The following EXTL3 variants were observed in gnomAD, a reference collection of about 807,000 sequenced individuals.
The protein encoded by EXTL3 is exostosin like glycosyltransferase 3.
EXTL3 carries 27 observed loss-of-function variants against 69.3 expected under a neutral mutation model. The observed-to-expected ratio is 0.39, with a 90% CI of 0.29 to 0.54. EXTL3 has a LOEUF of 0.54. Ranked by LOEUF, EXTL3 falls within the 20% of genes least tolerant of loss-of-function variation. EXTL3 has a pLI of 0.69. For synonymous variants in EXTL3, 511 were observed against 499.4 expected (o/e 1.02, Z -0.31); for missense variants, 1,003 against 1,231.8 (o/e 0.81, Z 2.78).
chr8:28,713,903 C>CTTTTTTTTTTTTTT (rs55737430), intron 2 of EXTL3, among the ~76,000 whole-genome samples: 14 of 113,776 alleles, frequency 1.2e-4, no homozygotes, highest in South Asian at 3.0e-4. Context: ...TTCTTTCTTT[C>CTTTTTTTTTTTTTT]TTTTTTTTTT....
rs1184932465 is a variant in EXTL3 at position 28,753,583 on chromosome 8, A to C, written c.*2717A>C. On this transcript the variant is annotated 3_prime_UTR_variant, in exon 7 of 7. Transcript: ENST00000220562. ...TCCTAGTTTGTGGGGGGAAGCTTTG[A>C]TATCCATGCCACGTCCATCCACCCC... 6.6e-6 allele frequency: 1 copy of C among 152,628 alleles called. No individual in the cohort carries two copies. The highest frequency in any genetic ancestry group is 1.5e-5 in the Non-Finnish European group (1 of 68,106). The allele number at this position is 152,628 out of a possible 1,614,324, so 9.5% of individuals were successfully genotyped here. A position where few individuals can be genotyped will look rare whatever the true frequency, so the allele number is the denominator to read the frequency against.
chr8:28,689,139 C>T (rs557699496), intron 1 of EXTL3, among the ~76,000 whole-genome samples: 28 of 152,168 alleles, frequency 1.8e-4, no homozygotes, highest in Middle Eastern at 3.2e-3. Flanking sequence ...TCTTTGCTGA[C>T]CCAGTTGTGG....
At chr8:28,681,497 G>A (rs1178537279) in intron 1 of EXTL3, among the ~76,000 whole-genome samples, 1 of 151,840 alleles carries the variant, frequency 6.6e-6, no homozygotes, top group African/African-American at 2.4e-5. Flanking sequence ...CAGCCTGGAT[G>A]ACAGAGCGAG....
At chr8:28,639,432 G>A (rs1273091216) in intron 1 of EXTL3, among the ~76,000 whole-genome samples, 2 of 152,154 alleles carry the variant, frequency 1.3e-5, no homozygotes, top group African/African-American at 4.8e-5. Flanking sequence ...CGTCACAGCT[G>A]GGACCATCTT....
chr8:28,641,402 C>T (rs1420622059), intron 1 of EXTL3, among the ~76,000 whole-genome samples: 1 of 152,064 alleles, frequency 6.6e-6, no homozygotes, highest in Non-Finnish European at 1.5e-5. Context: ...TGGAAAAGAC[C>T]GAGCAAGAGT....
intron 1 of EXTL3, among the ~76,000 whole-genome samples, chr8:28,671,125 T>C (rs1279238582): frequency 6.6e-6 from 1 of 151,540 alleles, no homozygotes; most frequent in Non-Finnish European, 1.5e-5. Flanking sequence ...GGATTACAGG[T>C]GTGTGCTACC....
intron 1 of EXTL3, among the ~76,000 whole-genome samples, chr8:28,653,625 T>C (rs754830369): frequency 3.3e-5 from 5 of 152,340 alleles, no homozygotes; most frequent in Admixed American, 6.5e-5. Flanking sequence ...AAACACTCTC[T>C]TTTTCCCATT....
rs769913271 is a variant in EXTL3, at chr8:28,716,473, C to G, written c.414C>G (p.Thr138=). 5.6e-6 allele frequency: 9 copies of G among 1,613,828 alleles called. No individual in the cohort carries two copies. The highest frequency in any genetic ancestry group is 7.6e-6 in the Non-Finnish European group (9 of 1,179,976). ...LLQLKNVISQ[T]EHSYKELMAQ... ...AGCTCAAGAATGTCATCAGCCAGACCGAGCATTCCTACAAGGAGCTCATGG... is the reference window on the plus strand; with the variant it reads ...AGCTCAAGAATGTCATCAGCCAGACGGAGCATTCCTACAAGGAGCTCATGG... Residue 138 remains threonine (T), a synonymous_variant, in exon 3 of 7, where the codon ACC becomes ACG. Transcript: ENST00000220562. This position sits in a 1 kb window ranked among gnomAD's most constrained non-coding sequence, Gnocchi z 7.1.
At position 28,717,441 on chromosome 8, in the gene EXTL3, C is replaced by T. The variant is rs554294508; in HGVS notation, c.1382C>T (p.Pro461Leu). The change falls in exon 3 of 7, where the codon CCG becomes CTG. Residue 461 changes from proline (P) to leucine (L), a missense_variant. This residue lies in a region of EXTL3 where 742 missense variants were observed against 815.4 expected (regional missense o/e 0.91). Coordinates refer to ENST00000220562, the MANE Select transcript of EXTL3 (RefSeq NM_001440.4). This position sits in a 1 kb window ranked among gnomAD's most constrained non-coding sequence, Gnocchi z 8.3. ...LFEALEVGAV[P>L]VVLGEQVQLP... ...GAAGCCCTGGAAGTCGGTGCCGTCCCGGTGGTGCTGGGGGAGCAGGTCCAG... is the reference window on the plus strand; with the variant it reads ...GAAGCCCTGGAAGTCGGTGCCGTCCTGGTGGTGCTGGGGGAGCAGGTCCAG... The T allele has an allele frequency of 6.2e-6, 10 of 1,614,176 alleles. No homozygotes were observed. In the Admixed American group the frequency reaches 8.3e-5, roughly 13 times the overall value.
intron 1 of EXTL3, among the ~76,000 whole-genome samples, chr8:28,670,039 T>TC (rs1807260726): frequency 6.6e-6 from 1 of 151,846 alleles, no homozygotes; most frequent in South Asian, 2.1e-4. Context: ...CAAAACCCCG[T>TC]CTCGACCAAA....
At chr8:28,728,431 G>A (rs967868103) in intron 3 of EXTL3, among the ~76,000 whole-genome samples, 1 of 152,180 alleles carries the variant, frequency 6.6e-6, no homozygotes, top group Non-Finnish European at 1.5e-5. Flanking sequence ...CTGTACACTT[G>A]GGAATTTTTA....
chr8:28,721,477 A>G (rs957803838), intron 3 of EXTL3, among the ~76,000 whole-genome samples: 3 of 151,836 alleles, frequency 2.0e-5, no homozygotes, highest in African/African-American at 7.3e-5. Flanking sequence ...CTTGGTACCA[A>G]CTCTGGCCTA....
chr8:28,633,818 C>G (rs1293168210), intron 1 of EXTL3, among the ~76,000 whole-genome samples: 1 of 152,136 alleles, frequency 6.6e-6, no homozygotes, highest in Non-Finnish European at 1.5e-5. Flanking sequence ...TACGAATGAC[C>G]TGCAAAGCCC....
rs189903362 is a variant in EXTL3 at position 28,755,346 on chromosome 8, A to T, written c.*4480A>T. On this transcript the variant is annotated 3_prime_UTR_variant, in exon 7 of 7. Transcript: ENST00000220562. Reference sequence around the variant, plus strand: ...GACTGCAGCCTCTCAAGAACACAGGAGTTCCATAGTTTTCTCATGAATGAA... The same window carrying T: ...GACTGCAGCCTCTCAAGAACACAGGTGTTCCATAGTTTTCTCATGAATGAA... 3.3e-5 allele frequency: 5 copies of T among 152,610 alleles called. No homozygotes were observed. In the East Asian group the frequency reaches 9.6e-4, roughly 29 times the overall value. The allele number at this position is 152,610 out of a possible 1,614,324, so 9.5% of individuals were successfully genotyped here.
chr8:28,667,988 C>T (rs899895563), intron 1 of EXTL3, among the ~76,000 whole-genome samples: 2 of 151,992 alleles, frequency 1.3e-5, no homozygotes, highest in Admixed American at 1.3e-4. Context: ...CCTGGGCAAG[C>T]TCAGTGACTC....
At chr8:28,653,123 T>C (rs1411908214) in intron 1 of EXTL3, among the ~76,000 whole-genome samples, 2 of 152,236 alleles carry the variant, frequency 1.3e-5, no homozygotes, top group Non-Finnish European at 2.9e-5. Flanking sequence ...GATAGTAGCA[T>C]ATAGAATAGT....
chr8:28,713,027 T>G (rs544054200), intron 1 of EXTL3, among the ~76,000 whole-genome samples: 8 of 152,216 alleles, frequency 5.3e-5, no homozygotes, highest in Non-Finnish European at 1.2e-4. Flanking sequence ...ACGGCCGATC[T>G]TGGGTTCATT....
intron 1 of EXTL3, among the ~76,000 whole-genome samples, chr8:28,691,905 A>T (rs1800621841): frequency 1.3e-5 from 2 of 152,082 alleles, no homozygotes; most frequent in Admixed American, 6.5e-5. Context: ...CTCAAAAAAT[A>T]AAAAAATTTA....
chr8:28,706,038 T>C lies in EXTL3; in HGVS notation c.-570+4379T>C, dbSNP rs192994122. 3.8e-3 allele frequency among the ~76,000 whole-genome samples: 577 copies of C among 152,358 alleles called. 6 individuals are homozygous for C. The highest frequency in any genetic ancestry group is 0.013 in the African/African-American group (547 of 41,582). On this transcript the variant is annotated intron_variant, in intron 1 of 6. Coordinates refer to ENST00000220562, the MANE Select transcript of EXTL3 (RefSeq NM_001440.4). Reference sequence around the variant, plus strand: ...TGAATCTGTATTTTTCCAGCTAACATTGTGAACATGTTTTCATTTTATTTA... The same window carrying C: ...TGAATCTGTATTTTTCCAGCTAACACTGTGAACATGTTTTCATTTTATTTA...
Sources: allele counts gnomAD v4.1 joint callset (sites outside exome capture counted in the v4.1 genomes callset), GRCh38; gene constraint gnomAD v4.1.1; regional missense constraint gnomAD v4.1.1; non-coding constraint Gnocchi (gnomAD v3.1); transcripts MANE v1.5; gene names NCBI Gene and HGNC (gene_info 2026-07-23, HGNC 2026-07-21).